KLHDC8A: variants seen among roughly 807,000 people sequenced by gnomAD.
KLHDC8A encodes the protein kelch domain-containing protein 8A.
Under a neutral mutation model 33.1 loss-of-function variants are expected in KLHDC8A, and 21 were observed. The observed-to-expected ratio is 0.64, with a 90% CI of 0.45 to 0.91. KLHDC8A has a LOEUF of 0.91. Among genes scored for constraint, KLHDC8A ranks in the 40% least tolerant of loss-of-function variants. The pLI is 0.00. For missense variants in KLHDC8A, 435 were observed against 483.3 expected (o/e 0.90, Z 0.94); for synonymous variants, 173 against 193.5 (o/e 0.89, Z 0.88).
chr1:205,339,700 G>C lies in KLHDC8A; in HGVS notation c.485C>G (p.Pro162Arg). 6.2e-7 allele frequency: 1 copy of C among 1,614,156 alleles called. No homozygotes were observed. Among genetic ancestry groups the C allele is most frequent in the Non-Finnish European group, 8.5e-7 (1 of 1,180,010 alleles). ...GGAGGTGGCAGCATATCTCGGGGTG[G>C]GCATGGGTGCTAGGGACACCCACAT... Reference protein sequence around the residue: ...KDMWVSLAPMPTPRYAATSFL... With the variant: ...KDMWVSLAPMRTPRYAATSFL... The change falls in exon 3 of 6, where the codon CCC becomes CGC. Residue 162 changes from proline to arginine, a missense_variant. By Grantham distance (103) the Pro-to-Arg change is moderately radical. Transcript: ENST00000367155. This position sits in a 1 kb window ranked among gnomAD's most constrained non-coding sequence, Gnocchi z 5.1.
At chr1:205,338,328 A>G (rs1256788830) in intron 5 of KLHDC8A, among the ~76,000 whole-genome samples, 167 bp downstream of exon 5, 1 of 152,208 alleles carries the variant, frequency 6.6e-6, no homozygotes, top group East Asian at 1.9e-4. Flanking sequence ...CACAGTGGAT[A>G]GGTAATATCT....
At chr1:205,356,465 C>G in intron 1 of KLHDC8A, 68 bp downstream of exon 1, 1 of 450,870 alleles carries the variant, frequency 2.2e-6, no homozygotes, top group Non-Finnish European at 4.5e-6. Context: ...CACTGCCTGT[C>G]TCCCCACCAG....
intron 1 of KLHDC8A, among the ~76,000 whole-genome samples, chr1:205,348,925 C>T (rs1300812715): frequency 1.3e-5 from 2 of 152,170 alleles, no homozygotes; most frequent in African/African-American, 4.8e-5. Flanking sequence ...ACAGCTGTGC[C>T]CTTCCTTTAG....
chr1:205,351,369 G>T (rs1284279477), intron 1 of KLHDC8A: 5 of 890,870 alleles, frequency 5.6e-6, no homozygotes, highest in Non-Finnish European at 7.7e-6. Context: ...TGAACCTTGT[G>T]ATAGATGAAT....
At position 205,337,575 on chromosome 1, in the gene KLHDC8A, G is replaced by A. The variant is rs1662671071; in HGVS notation, c.877C>T (p.Leu293=). 6.2e-7 allele frequency: 1 copy of A among 1,612,242 alleles called. No individual in the cohort carries two copies. ...AGGLGNQPTV[L]ETAEAFHPGK... is the part of the protein sequence containing the mutation. ...GGGTGGAATGCTTCCGCCGTCTCCA[G>A]GACAGTGGGTTGATTCCCTGAAAGT... The change falls in exon 6 of 6, where the codon CTG becomes TTG. Residue 293 remains leucine, a synonymous_variant. Transcript: ENST00000367155.
intron 2 of KLHDC8A, among the ~76,000 whole-genome samples, chr1:205,341,950 A>G (rs968528189): frequency 4.6e-5 from 7 of 152,144 alleles, no homozygotes; most frequent in African/African-American, 1.7e-4. Context: ...CGCCCGGCCA[A>G]TCTTTGTTTC....
At chr1:205,342,857 CAGGAACATTCTGGTCTCCACTG>C (rs1662827102) in intron 2 of KLHDC8A, among the ~76,000 whole-genome samples, 1 of 151,986 alleles carries the variant, frequency 6.6e-6, no homozygotes, top group Admixed American at 6.6e-5. Flanking sequence ...CATGAACCCT[CAGGAACATTCTGGTCTCCACTG>C]AGCGTCTCTG....
Position 205,343,620 on chromosome 1 carries a change from C to G in KLHDC8A, c.-16G>C. 1 of 1,549,488 alleles carries G rather than the reference C, an allele frequency of 6.5e-7. No homozygotes were observed. The highest frequency in any genetic ancestry group is 8.7e-7 in the Non-Finnish European group (1 of 1,145,858). On this transcript the variant is annotated 5_prime_UTR_variant, in exon 2 of 6. Coordinates refer to ENST00000367155, the MANE Select transcript of KLHDC8A (RefSeq NM_018203.3). ...GCACCTCCATGGCAGCCTTGGGGAGCGCCCGGGCGCCGGGAGAGGTGCGAG... is the reference window on the plus strand; with the variant it reads ...GCACCTCCATGGCAGCCTTGGGGAGGGCCCGGGCGCCGGGAGAGGTGCGAG...
rs554462637 is a variant in KLHDC8A, at chr1:205,350,859, A to C, written c.-190+5674T>G. On this transcript the variant is annotated intron_variant, in intron 1 of 5. Transcript: ENST00000367155. ...TGTGCGCGCACGCATGTGTGTGTGC[A>C]TGTGTGTGTGTGTGCTGAGGCACTG... is the stretch of plus-strand genomic sequence containing the variant. Among the ~76,000 whole-genome samples, 9 of 104,260 alleles carry C rather than the reference A, an allele frequency of 8.6e-5. No homozygotes were observed. The East Asian group carries it at 2.9e-3, about 34-fold the overall frequency. The allele number at this position is 104,260 out of a possible 152,430, so 68.4% of individuals were successfully genotyped here. A position where few individuals can be genotyped will look rare whatever the true frequency, so the allele number is the denominator to read the frequency against.
chr1:205,356,089 C>G (rs558445011), intron 1 of KLHDC8A, among the ~76,000 whole-genome samples: 5 of 151,878 alleles, frequency 3.3e-5, no homozygotes, highest in Non-Finnish European at 5.9e-5. Flanking sequence ...CCCCCTCCCC[C>G]CCTCCCTCCT....
chr1:205,351,926 A>G (rs1663123351), intron 1 of KLHDC8A, among the ~76,000 whole-genome samples: 1 of 152,122 alleles, frequency 6.6e-6, no homozygotes, highest in African/African-American at 2.4e-5. Context: ...TCTCAAAAAA[A>G]AAAAAAGGAG....
intron 2 of KLHDC8A, among the ~76,000 whole-genome samples, chr1:205,341,752 G>A (rs1049771552): frequency 7.2e-5 from 11 of 151,942 alleles, no homozygotes; most frequent in African/African-American, 2.2e-4. Context: ...CCAGGTTCAC[G>A]CCATTCTCCT....
Position 205,339,998 on chromosome 1 carries a change from C to A in KLHDC8A, c.377-190G>T. ...TCCTGCTATAGCTAAGCCTGAGAGT[C>A]TGTTTCTTTTTTTTTATTTTTATTA... is the stretch of plus-strand genomic sequence containing the variant. On this transcript the variant is annotated intron_variant, in intron 2 of 5. Transcript: ENST00000367155. This position sits in a 1 kb window ranked among gnomAD's most constrained non-coding sequence, Gnocchi z 5.1. The A allele has an allele frequency of 2.5e-6, 1 of 404,908 alleles. No individual in the cohort carries two copies. Among genetic ancestry groups the A allele is most frequent in the Non-Finnish European group, 4.3e-6 (1 of 230,134 alleles). 25.1% of individuals were successfully genotyped at this position (404,908 alleles called of 1,614,324 possible). A position where few individuals can be genotyped will look rare whatever the true frequency, so the allele number is the denominator to read the frequency against.
rs758646481 is a variant in KLHDC8A at position 205,343,655 on chromosome 1, C to T, written c.-51G>A. ...CCGGGAGAGGTGCGAGCGCGGGGGT[C>T]CACCGGCTACTTGGCGCCGGCTCCC... On this transcript the variant is annotated 5_prime_UTR_variant, in exon 2 of 6. Coordinates refer to ENST00000367155, the MANE Select transcript of KLHDC8A (RefSeq NM_018203.3). 2 of 1,508,170 alleles carry T rather than the reference C, an allele frequency of 1.3e-6. No individual in the cohort carries two copies. Among genetic ancestry groups the T allele is most frequent in the Non-Finnish European group, 1.8e-6 (2 of 1,130,336 alleles). 93.4% of individuals were successfully genotyped at this position (1,508,170 alleles called of 1,614,324 possible).
rs765665935 is a variant in KLHDC8A, at chr1:205,339,785, C to T, written c.400G>A (p.Gly134Arg). ...AKDYRVYAAG[G>R]MGLDLRPHNH... ...TGTGGACGTAGGTCCAGGCCCATCC[C>T]GCCTGCCGCATATACTCGGTAATCT... is the stretch of plus-strand genomic sequence containing the variant. The change falls in exon 3 of 6, where the codon GGG becomes AGG. Residue 134 changes from glycine (G) to arginine (R), a missense_variant. By Grantham distance (125) the Gly-to-Arg change is moderately radical. Coordinates refer to ENST00000367155, the MANE Select transcript of KLHDC8A (RefSeq NM_018203.3). The surrounding 1 kb of genome is among the most constrained non-coding windows in gnomAD (Gnocchi z 5.1). 21 of 1,613,686 alleles carry T rather than the reference C, an allele frequency of 1.3e-5. No homozygotes were observed. The South Asian group carries it at 1.6e-4, about 13-fold the overall frequency.
intron 2 of KLHDC8A, among the ~76,000 whole-genome samples, chr1:205,341,861 G>A (rs1262277035): frequency 3.9e-5 from 6 of 152,092 alleles, no homozygotes; most frequent in Admixed American, 3.9e-4. Flanking sequence ...ATGTTAGCTG[G>A]GATGGTCTTG....
At chr1:205,337,707 A>G (rs1225436156) in intron 5 of KLHDC8A, 115 bp from the exon 6 acceptor site, 1 of 696,580 alleles carries the variant, frequency 1.4e-6, no homozygotes, top group East Asian at 2.7e-5. Flanking sequence ...AGCAAGGTCA[A>G]CTTCCTTGGC....
rs1457799915 is a variant in KLHDC8A, at chr1:205,343,738, G to C, written c.-134C>G. ...GAGCGCCGGACCCAGCCAGACCCCGGCCAGTGCTTCACCGTGCCCCGAGTC... is the reference window on the plus strand; with the variant it reads ...GAGCGCCGGACCCAGCCAGACCCCGCCCAGTGCTTCACCGTGCCCCGAGTC... On this transcript the variant is annotated 5_prime_UTR_variant, in exon 2 of 6. Coordinates refer to ENST00000367155, the MANE Select transcript of KLHDC8A (RefSeq NM_018203.3). The C allele has an allele frequency of 2.1e-6, 2 of 970,408 alleles. No homozygotes were observed. Among genetic ancestry groups the C allele is most frequent in the Non-Finnish European group, 3.0e-6 (2 of 675,988 alleles). 60.1% of individuals were successfully genotyped at this position (970,408 alleles called of 1,614,324 possible). A position where few individuals can be genotyped will look rare whatever the true frequency, so the allele number is the denominator to read the frequency against.
At chr1:205,351,401 G>A in intron 1 of KLHDC8A, 1 of 849,714 alleles carries the variant, frequency 1.2e-6, no homozygotes, top group Non-Finnish European at 2.1e-6. Context: ...GCGACTAGTG[G>A]ACAACAGAAC....
Sources: allele counts gnomAD v4.1 joint callset (sites outside exome capture counted in the v4.1 genomes callset), GRCh38; gene constraint gnomAD v4.1.1; non-coding constraint Gnocchi (gnomAD v3.1); transcripts MANE v1.5; gene names NCBI Gene and HGNC (gene_info 2026-07-23, HGNC 2026-07-21).